The following PIAS2 variants were observed in gnomAD, a reference collection of about 807,000 sequenced individuals.
The protein encoded by PIAS2 is protein inhibitor of activated STAT 2.
PIAS2 carries 19 observed loss-of-function variants against 69.7 expected under a neutral mutation model. That is an observed-to-expected ratio of 0.27 (90% CI 0.19 to 0.40). PIAS2 has a LOEUF of 0.40. Among genes scored for constraint, PIAS2 ranks in the 10% least tolerant of loss-of-function variants. The pLI is 1.00. For synonymous variants in PIAS2, 261 were observed against 263.2 expected (o/e 0.99, Z 0.08); for missense variants, 624 against 757.0 (o/e 0.82, Z 2.06).
At chr18:46,874,209 G>A (rs1422084943) in intron 2 of PIAS2, among the ~76,000 whole-genome samples, 1 of 152,152 alleles carries the variant, frequency 6.6e-6, no homozygotes, top group African/African-American at 2.4e-5. Context: ...CCCTGGAATA[G>A]GGCCATTCCA....
intron 2 of PIAS2, among the ~76,000 whole-genome samples, chr18:46,878,655 G>T (rs1435363642): frequency 2.0e-5 from 3 of 152,190 alleles, no homozygotes; most frequent in African/African-American, 7.2e-5. Context: ...GATCACCTGA[G>T]GTCAGGAGTT....
chr18:46,884,003 C>A (rs191863370), intron 2 of PIAS2, among the ~76,000 whole-genome samples: 1 of 152,052 alleles, frequency 6.6e-6, no homozygotes, highest in African/African-American at 2.4e-5. Flanking sequence ...ATAAAAAGAA[C>A]AAAAACAAAA....
At chr18:46,903,204 C>G (rs2056140936) in intron 1 of PIAS2, among the ~76,000 whole-genome samples, 1 of 152,096 alleles carries the variant, frequency 6.6e-6, no homozygotes, top group Non-Finnish European at 1.5e-5. Flanking sequence ...ATATGACACA[C>G]TGGACTTCAC....
At position 46,891,931 on chromosome 18, in the gene PIAS2, G is replaced by A. The variant is rs555710267; in HGVS notation, c.25-877C>T. ...TGATTTCCAGTCAATTCTGAACTCAGAGGCAAATCACACTTGGGTCAGATA... is the reference window on the plus strand; with the variant it reads ...TGATTTCCAGTCAATTCTGAACTCAAAGGCAAATCACACTTGGGTCAGATA... On this transcript the variant is annotated intron_variant, in intron 1 of 13. Coordinates refer to ENST00000585916, the MANE Select transcript of PIAS2 (RefSeq NM_004671.5). Among the ~76,000 whole-genome samples, 3 of 152,206 alleles carry A rather than the reference G, an allele frequency of 2.0e-5. No homozygotes were observed. The South Asian group carries it at 6.2e-4, about 32-fold the overall frequency.
intron 1 of PIAS2, among the ~76,000 whole-genome samples, chr18:46,905,349 A>G (rs2056459261): frequency 6.6e-6 from 1 of 152,196 alleles, no homozygotes; most frequent in Admixed American, 6.5e-5. Context: ...ACATCAAAAC[A>G]AGGAGGCAAT....
At chr18:46,905,044 C>CAT (rs1327447605) in intron 1 of PIAS2, among the ~76,000 whole-genome samples, 12 of 152,076 alleles carry the variant, frequency 7.9e-5, no homozygotes, top group Non-Finnish European at 1.5e-4. Context: ...ACATAATGAA[C>CAT]ATATATAAAA....
chr18:46,912,303 C>A (rs1446486553), intron 1 of PIAS2, among the ~76,000 whole-genome samples: 2 of 152,190 alleles, frequency 1.3e-5, no homozygotes, highest in African/African-American at 4.8e-5. Context: ...ATAAGCTATA[C>A]ACATCCTCCT....
At chr18:46,875,114 T>A (rs2050955163) in intron 2 of PIAS2, among the ~76,000 whole-genome samples, 1 of 152,098 alleles carries the variant, frequency 6.6e-6, no homozygotes, top group Non-Finnish European at 1.5e-5. Flanking sequence ...AAACTAACCA[T>A]CCCTTAACCC....
At chr18:46,859,574 T>A (rs943984280) in intron 3 of PIAS2, among the ~76,000 whole-genome samples, 3 of 151,712 alleles carry the variant, frequency 2.0e-5, no homozygotes, top group African/African-American at 7.3e-5. Context: ...GAAGGAAATA[T>A]ACTAAGCAAA....
chr18:46,858,001 G>C (rs1295864695), intron 3 of PIAS2, among the ~76,000 whole-genome samples: 2 of 152,178 alleles, frequency 1.3e-5, no homozygotes, highest in Non-Finnish European at 2.9e-5. Context: ...GGCACAGTGA[G>C]AGACAAATGA....
At chr18:46,896,782 C>G (rs1157855233) in intron 1 of PIAS2, among the ~76,000 whole-genome samples, 1 of 152,148 alleles carries the variant, frequency 6.6e-6, no homozygotes, top group Non-Finnish European at 1.5e-5. Context: ...ATCAATGTTT[C>G]CTGTGAGTGT....
intron 2 of PIAS2, among the ~76,000 whole-genome samples, chr18:46,890,361 T>C (rs1480595659): frequency 6.6e-6 from 1 of 152,246 alleles, no homozygotes; most frequent in Non-Finnish European, 1.5e-5. Flanking sequence ...ATGTGTATTT[T>C]ACAATAAAAG....
intron 2 of PIAS2, among the ~76,000 whole-genome samples, chr18:46,872,710 C>CGT (rs1403649025): frequency 1.3e-5 from 2 of 152,154 alleles, no homozygotes; most frequent in African/African-American, 4.8e-5. Flanking sequence ...TCAAAGGAAT[C>CGT]GTGTCCTTAC....
At chr18:46,816,445 A>C (rs2041544863) in intron 12 of PIAS2, 2 of 985,084 alleles carry the variant, frequency 2.0e-6, no homozygotes, top group Non-Finnish European at 2.4e-6. Flanking sequence ...CGATTTCTAA[A>C]GCCTTTTTGA....
intron 1 of PIAS2, among the ~76,000 whole-genome samples, chr18:46,893,836 C>T (rs879438283): frequency 6.6e-6 from 1 of 152,018 alleles, no homozygotes; most frequent in Non-Finnish European, 1.5e-5. Flanking sequence ...CAAAAAAATC[C>T]CTCTCCTTGG....
intron 1 of PIAS2, chr18:46,915,758 A>T (rs1363044140): frequency 6.6e-6 from 1 of 151,952 alleles, no homozygotes; most frequent in Non-Finnish European, 1.5e-5. Context: ...CATTCACAAG[A>T]GTCTAATAAA....
intron 11 of PIAS2, chr18:46,826,653 T>C (rs1479100743): frequency 6.6e-6 from 1 of 152,186 alleles, no homozygotes; most frequent in Non-Finnish European, 1.5e-5. Flanking sequence ...ACCAACCAAT[T>C]TGTCTCAAAG....
chr18:46,817,983 T>C (rs928969484), intron 12 of PIAS2: 34 of 985,866 alleles, frequency 3.4e-5, no homozygotes, highest in Non-Finnish European at 3.7e-5. Flanking sequence ...CAGCGTGTCA[T>C]ACTGATATAT....
At chr18:46,824,792 C>G (rs919204999) in intron 11 of PIAS2, among the ~76,000 whole-genome samples, 2 of 148,730 alleles carry the variant, frequency 1.3e-5, no homozygotes, top group Non-Finnish European at 3.0e-5. Flanking sequence ...GGCTTGAGCT[C>G]AGGAGTTCGA....
Sources: allele counts gnomAD v4.1 joint callset (sites outside exome capture counted in the v4.1 genomes callset), GRCh38; gene constraint gnomAD v4.1.1; transcripts MANE v1.5; gene names NCBI Gene and HGNC (gene_info 2026-07-23, HGNC 2026-07-21).